The following IL16 variants were observed in gnomAD, a reference collection of about 807,000 sequenced individuals.
IL16 encodes the protein pro-interleukin-16.
In IL16, 67 loss-of-function variants were observed where a neutral mutation model predicts 110.1. The observed-to-expected ratio is 0.61, with a 90% CI of 0.50 to 0.75. The LOEUF (loss-of-function observed/expected upper bound fraction) is 0.75. Ranked by LOEUF, IL16 falls within the 30% of genes least tolerant of loss-of-function variation. IL16 has a pLI of 0.00. For synonymous variants in IL16, 689 were observed against 662.9 expected, an observed-to-expected ratio of 1.04 and a Z score of -0.61; for missense variants, 1,545 against 1,655.0, an observed-to-expected ratio of 0.93 and a Z score of 1.15.
At chr15:81,304,771 C>T (rs1384439693) in intron 16 of IL16, among the ~76,000 whole-genome samples, 10 of 152,178 alleles carry the variant, frequency 6.6e-5, no homozygotes. Flanking sequence ...CTGCTTCATG[C>T]TTGGATGTTA....
chr15:81,225,156 G>A, intron 1 of IL16, 143 bp from the exon 2 acceptor site: 1 of 629,714 alleles, frequency 1.6e-6, no homozygotes, highest in Non-Finnish European at 2.6e-6. Flanking sequence ...ACACTGGAAG[G>A]GCCAGTGATC....
intron 18 of IL16, among the ~76,000 whole-genome samples, chr15:81,307,689 A>C (rs1900642906): frequency 6.6e-6 from 1 of 152,164 alleles, no homozygotes; most frequent in Non-Finnish European, 1.5e-5. Flanking sequence ...CATTTGCTTA[A>C]ATGTTTAGGA....
chr15:81,206,855 G>A (rs181911305), intron 1 of IL16, among the ~76,000 whole-genome samples: 4 of 133,700 alleles, frequency 3.0e-5, no homozygotes, highest in South Asian at 2.6e-4. Flanking sequence ...AGAGAATTTC[G>A]GGCTTTAAAT....
chr15:81,183,027 G>A (rs1009814119), intron 1 of IL16: 10 of 467,950 alleles, frequency 2.1e-5, no homozygotes, highest in Non-Finnish European at 3.1e-5. Context: ...ATGAGTGAGT[G>A]TGTGTGTGCA....
At chr15:81,216,919 T>C (rs1182690628) in intron 1 of IL16, among the ~76,000 whole-genome samples, 1 of 152,120 alleles carries the variant, frequency 6.6e-6, no homozygotes, top group African/African-American at 2.4e-5. Context: ...GACACCTAGG[T>C]CTACTTAGGC....
At chr15:81,292,522 C>T in intron 11 of IL16, 34 bp from the exon 12 acceptor site, 1 of 1,612,376 alleles carries the variant, frequency 6.2e-7, no homozygotes, top group Non-Finnish European at 8.5e-7. Context: ...TTCTGAAGCT[C>T]AGCTGTGAAG....
intron 1 of IL16, among the ~76,000 whole-genome samples, chr15:81,219,412 T>G (rs776049644): frequency 1.3e-5 from 2 of 152,022 alleles, no homozygotes; most frequent in Non-Finnish European, 1.5e-5. Context: ...CTTCTTGCGA[T>G]TGACTATATA....
intron 2 of IL16, among the ~76,000 whole-genome samples, chr15:81,231,377 T>TCTCTCC (rs1422337643): frequency 2.1e-5 from 3 of 144,308 alleles, no homozygotes; most frequent in Admixed American, 1.4e-4. Context: ...TCTCTCTCTC[T>TCTCTCC]CTCTCCCTCT....
intron 6 of IL16, among the ~76,000 whole-genome samples, chr15:81,277,182 C>T (rs574124947): frequency 5.3e-5 from 8 of 151,820 alleles, no homozygotes; most frequent in East Asian, 1.9e-4. Context: ...CAGTAGGCCA[C>T]GCAGATCAAA....
rs549494091 is a variant in IL16 at position 81,279,098 on chromosome 15, T to C, written c.864+208T>C. 2.1e-4 allele frequency among the ~76,000 whole-genome samples: 32 copies of C among 152,352 alleles called. No homozygotes were observed. The South Asian group carries it at 6.2e-3, about 30-fold the overall frequency. On this transcript the variant is annotated intron_variant, in intron 7 of 18. Coordinates refer to ENST00000683961, the MANE Select transcript of IL16 (RefSeq NM_172217.5). ...TTGTTGTGGGGGATTTTAAAACTCT[T>C]TAATATTTATAAAATTGTTTTAAAA... is the stretch of plus-strand genomic sequence containing the variant.
At chr15:81,287,446 T>TA (rs1241192190) in intron 10 of IL16, among the ~76,000 whole-genome samples, 1 of 152,212 alleles carries the variant, frequency 6.6e-6, no homozygotes, top group East Asian at 1.9e-4. Flanking sequence ...TCCCTGCTGT[T>TA]GGTGAGAGCT....
intron 3 of IL16, 106 bp from the exon 4 acceptor site, chr15:81,265,553 C>T (rs1898337987): frequency 2.3e-5 from 29 of 1,275,892 alleles, no homozygotes; most frequent in Admixed American, 4.2e-5. Context: ...AAGTGGTTTA[C>T]AGTCACACTG....
intron 9 of IL16, among the ~76,000 whole-genome samples, chr15:81,284,443 A>G (rs1899347254): frequency 6.6e-6 from 1 of 152,194 alleles, no homozygotes; most frequent in Admixed American, 6.5e-5. Flanking sequence ...TGTGGCACAT[A>G]CTGCAGGTTC....
At position 81,206,195 on chromosome 15, in the gene IL16, G is replaced by T. The variant is rs77738228; in HGVS notation, c.-102+9043G>T. On this transcript the variant is annotated intron_variant, in intron 1 of 18. Coordinates refer to ENST00000683961, the MANE Select transcript of IL16 (RefSeq NM_172217.5). ...GCATGGCAATGAAGATAAGTTCTGA[G>T]AAATTTCATCGTCGTACAAACGTTA... 3.1e-3 allele frequency among the ~76,000 whole-genome samples: 469 copies of T among 152,254 alleles called. 1 individual carries two copies. The highest frequency in any genetic ancestry group is 4.7e-3 in the Non-Finnish European group (317 of 68,020).
intron 2 of IL16, among the ~76,000 whole-genome samples, chr15:81,242,905 C>T (rs1005255962): frequency 6.6e-6 from 1 of 151,558 alleles, no homozygotes; most frequent in Non-Finnish European, 1.5e-5. Flanking sequence ...AGTGTACTGA[C>T]AGCTTTTAAT....
intron 1 of IL16, among the ~76,000 whole-genome samples, chr15:81,189,955 A>G (rs184574481): frequency 2.9e-4 from 44 of 152,324 alleles, no homozygotes; most frequent in African/African-American, 9.6e-4. Flanking sequence ...TGTGGGCAGA[A>G]AGACTGAAAG....
Position 81,269,643 on chromosome 15 carries a change from G to T in IL16, c.670G>T (p.Ala224Ser). Residue 224 changes from alanine to serine, a missense_variant, in exon 5 of 19, where the codon GCT becomes TCT. By Grantham distance (99) the Ala-to-Ser change is moderately conservative. Around this residue, in one of 3 missense-constraint regions of IL16, gnomAD observed 1,185 missense variants for 1,238.8 expected, o/e 0.96. Coordinates refer to ENST00000683961, the MANE Select transcript of IL16 (RefSeq NM_172217.5). Reference sequence around the variant, plus strand: ...CAACATCGTGCTGATGAAGGGCCAGGCTAAGGTGAGAAGGGATTGTGGCCA... The same window carrying T: ...CAACATCGTGCTGATGAAGGGCCAGTCTAAGGTGAGAAGGGATTGTGGCCA... Reference protein sequence around the residue: ...ISNIVLMKGQAKGLGFSIVGG... With the variant: ...ISNIVLMKGQSKGLGFSIVGG... The T allele has an allele frequency of 6.2e-7, 1 of 1,610,894 alleles. No individual in the cohort carries two copies. The highest frequency in any genetic ancestry group is 1.1e-5 in the South Asian group (1 of 91,002).
Position 81,312,271 on chromosome 15 carries a change from A to G in IL16, c.*3473A>G, listed in dbSNP as rs1900899126. 6.6e-6 allele frequency: 1 copy of G among 152,314 alleles called. No homozygotes were observed. The highest frequency in any genetic ancestry group is 1.5e-5 in the Non-Finnish European group (1 of 68,094). 9.4% of individuals were successfully genotyped at this position (152,314 alleles called of 1,614,324 possible). ...GTTCTGATGATGTGCCTGGGTGGAC[A>G]TGGCCCCTGTGAGTTTGTACAGTCT... On this transcript the variant is annotated 3_prime_UTR_variant, in exon 19 of 19. Coordinates refer to ENST00000683961, the MANE Select transcript of IL16 (RefSeq NM_172217.5).
At chr15:81,253,272 G>GA (rs1897832022) in intron 2 of IL16, among the ~76,000 whole-genome samples, 1 of 151,986 alleles carries the variant, frequency 6.6e-6, no homozygotes, top group African/African-American at 2.4e-5. Context: ...TATATCATTT[G>GA]AAAAAATGTC....
Sources: allele counts gnomAD v4.1 joint callset (sites outside exome capture counted in the v4.1 genomes callset), GRCh38; gene constraint gnomAD v4.1.1; regional missense constraint gnomAD v4.1.1; transcripts MANE v1.5; gene names NCBI Gene and HGNC (gene_info 2026-07-23, HGNC 2026-07-21).